Variants in AGL observed in about 807,000 individuals in gnomAD.
AGL encodes the protein glycogen debranching enzyme.
Under a neutral mutation model 199.3 loss-of-function variants are expected in AGL, and 128 were observed. The ratio of observed to expected loss-of-function variants is 0.64; its 90% CI spans 0.56 to 0.74. The LOEUF (loss-of-function observed/expected upper bound fraction) is 0.74, where lower values mean the gene tolerates loss of function less well. AGL is among the 30% of genes least tolerant of loss of function. The probability of loss-of-function intolerance (pLI) is 0.00; values close to 1 mark genes in which losing one functional copy is unlikely to be tolerated. For missense variants in AGL, 1,809 were observed against 1,820.8 expected, an observed-to-expected ratio of 0.99 and a Z score of 0.12; for synonymous variants, 584 against 594.7, an observed-to-expected ratio of 0.98 and a Z score of 0.26.
At chr1:99,909,705 C>G (rs1189570477) in intron 27 of AGL, among the ~76,000 whole-genome samples, 1 of 151,724 alleles carries the variant, frequency 6.6e-6, no homozygotes. Flanking sequence ...TTCCTCAAGT[C>G]TTGAGGTTCC....
chr1:99,880,679 C>T lies in AGL; in HGVS notation c.1783C>T (p.Arg595Ter), dbSNP rs765367405. ...NSHEEGRLVY[R>*]YGGEPVGSFV... Reference sequence around the variant, plus strand: ...TCATGAAGAGGGCAGATTAGTTTACCGATATGGAGGAGAACCTGTTGGATC... The same window carrying T: ...TCATGAAGAGGGCAGATTAGTTTACTGATATGGAGGAGAACCTGTTGGATC... Residue 595 changes from arginine to a stop codon, truncating the protein, a stop_gained, in exon 14 of 34, where the codon CGA becomes TGA. Transcript: ENST00000361915. LOFTEE classifies it high-confidence loss of function. The T allele has an allele frequency of 9.3e-6, 15 of 1,613,788 alleles. No homozygotes were observed. Among genetic ancestry groups the T allele is most frequent in the Non-Finnish European group, 1.3e-5 (15 of 1,179,908 alleles).
Position 99,884,209 on chromosome 1 carries a change from C to T in AGL, c.2398C>T (p.Pro800Ser). ...GGATGAGAATTCAATCAATGGAACACCAGATATCACAGTAGAAATTAGAGA... is the reference window on the plus strand; with the variant it reads ...GGATGAGAATTCAATCAATGGAACATCAGATATCACAGTAGAAATTAGAGA... ...RKDENSINGT[P>S]DITVEIREHI... Residue 800 changes from proline (P) to serine (S), a missense_variant, in exon 18 of 34, where the codon CCA (proline) becomes TCA (serine). Transcript: ENST00000361915. 6.2e-7 allele frequency: 1 copy of T among 1,613,082 alleles called. No individual in the cohort carries two copies. The highest frequency in any genetic ancestry group is 1.7e-5 in the Admixed American group (1 of 59,960).
chr1:99,875,572 G>GA (rs1278900576), intron 10 of AGL, 117 bp downstream of exon 10: 4 of 912,444 alleles, frequency 4.4e-6, no homozygotes, highest in Admixed American at 2.1e-5. Flanking sequence ...TTCTTAAATT[G>GA]AAATAGAAGT....
rs1651536973 is a variant in AGL at position 99,876,456 on chromosome 1, A to G, written c.1284-2A>G. 2 of 1,571,554 alleles carry G rather than the reference A, an allele frequency of 1.3e-6. No homozygotes were observed. The highest frequency in any genetic ancestry group is 1.1e-5 in the South Asian group (1 of 88,688). On this transcript the variant is annotated splice_acceptor_variant, in intron 10 of 33. Coordinates refer to ENST00000361915, the MANE Select transcript of AGL (RefSeq NM_000642.3). LOFTEE classifies it high-confidence loss of function. ...ATTTAATATTTAATTATATTTTCATAGGTATTTTACTTTCCCATTTGAAGA... is the reference window on the plus strand; with the variant it reads ...ATTTAATATTTAATTATATTTTCATGGGTATTTTACTTTCCCATTTGAAGA...
At chr1:99,915,620 A>G (rs1655061802) in intron 31 of AGL, 134 bp downstream of exon 31, 5 of 735,366 alleles carry the variant, frequency 6.8e-6, no homozygotes, top group South Asian at 1.7e-5. Flanking sequence ...TTAAAAAAAA[A>G]ATTAGTTGGG....
At chr1:99,912,322 A>G in intron 28 of AGL, 83 bp from the exon 29 acceptor site, 1 of 980,708 alleles carries the variant, frequency 1.0e-6, no homozygotes, top group Non-Finnish European at 1.6e-6. Flanking sequence ...TATATGATTC[A>G]TTACAATTGT....
At chr1:99,910,897 CACTT>C (rs1258739920) in intron 28 of AGL, 50 bp downstream of exon 28, 2 of 1,576,610 alleles carry the variant, frequency 1.3e-6, no homozygotes, top group Non-Finnish European at 1.7e-6. Context: ...TTTAAGAAAG[CACTT>C]ACTTGTGGAA....
intron 2 of AGL, among the ~76,000 whole-genome samples, chr1:99,854,622 G>T (rs940776679): frequency 5.9e-5 from 9 of 151,922 alleles, no homozygotes; most frequent in Admixed American, 5.2e-4. Context: ...AAATTAGCCG[G>T]GCCTGGTGGC....
At chr1:99,850,125 C>G (rs1227119858), upstream of AGL, 1 of 152,330 alleles carries the variant, frequency 6.6e-6, no homozygotes. Context: ...CCACCTGGGG[C>G]GAGTGCGCGC....
chr1:99,887,772 A>G (rs1465855152), intron 20 of AGL, among the ~76,000 whole-genome samples: 1 of 152,154 alleles, frequency 6.6e-6, no homozygotes, highest in Non-Finnish European at 1.5e-5. Context: ...TTTGGGAGTA[A>G]TGTCGCTTCT....
In AGL at chr1:99,900,801, G is replaced by T. The variant is rs1171460627; in HGVS notation, c.3528G>T (p.Lys1176Asn). 1.3e-5 allele frequency: 21 copies of T among 1,613,654 alleles called. No homozygotes were observed. The highest frequency in any genetic ancestry group is 1.7e-5 in the Non-Finnish European group (20 of 1,179,948). The change falls in exon 26 of 34, where the codon AAG (lysine) becomes AAT (asparagine). Residue 1176 changes from lysine (K) to asparagine (N), a missense_variant. Transcript: ENST00000361915. ...KMVPNGLDIL[K>N]CPVSRMYPTD... ...TTCCAAATGGTCTAGACATTCTCAAGTGCCCAGTTTCCAGAATGTATCCTA... is the reference window on the plus strand; with the variant it reads ...TTCCAAATGGTCTAGACATTCTCAATTGCCCAGTTTCCAGAATGTATCCTA...
intron 2 of AGL, among the ~76,000 whole-genome samples, chr1:99,854,683 G>C (rs1244217022): frequency 6.6e-6 from 1 of 151,342 alleles, no homozygotes. Flanking sequence ...AGAAAGGCGT[G>C]AACCCAGGAG....
rs776977863 is a variant in AGL, at chr1:99,900,717, C to G, written c.3444C>G (p.Tyr1148Ter). ...TGGGTGAAGGAATTTATGCCAGATA[C>G]AATTGTCGGGATGCTGTGTGGTGGT... is the stretch of plus-strand genomic sequence containing the variant. ...NLLGEGIYAR[Y>*]NCRDAVWWWL... Residue 1148 changes from tyrosine to a stop codon, truncating the protein, a stop_gained, in exon 26 of 34, where the codon TAC becomes TAG. Transcript: ENST00000361915. LOFTEE classifies it high-confidence loss of function. 4 of 1,613,998 alleles carry G rather than the reference C, an allele frequency of 2.5e-6. No individual in the cohort carries two copies. The highest frequency in any genetic ancestry group is 1.1e-5 in the South Asian group (1 of 91,084).
In AGL at chr1:99,888,013, A is replaced by AT; in HGVS notation, c.2717_2718insT (p.Gln906HisfsTer7). On this transcript the variant is annotated frameshift_variant, in exon 21 of 34. Coordinates refer to ENST00000361915, the MANE Select transcript of AGL (RefSeq NM_000642.3). LOFTEE classifies it high-confidence loss of function. ...AGATTAACTTTGGCTGAGCTAAATC[A>AT]GATCCTTTACCGATGTGAATCAGAA... 1 of 1,613,568 alleles carries AT rather than the reference A, an allele frequency of 6.2e-7. No individual in the cohort carries two copies. The highest frequency in any genetic ancestry group is 1.7e-5 in the Admixed American group (1 of 59,964).
Position 99,864,428 on chromosome 1 carries a change from T to A in AGL, c.503T>A (p.Leu168Gln). The change falls in exon 5 of 34, where the codon CTA (leucine) becomes CAA (glutamine). Residue 168 changes from leucine (L) to glutamine (Q), a missense_variant. Leu to Gln is a moderately radical substitution (Grantham distance 113). Transcript: ENST00000361915. ...TTTACCCCATTGCAGACTCTTGGAC[T>A]ATCTAGGTCATGCTACTCCCTTGCC... is the stretch of plus-strand genomic sequence containing the variant. ...IHFTPLQTLG[L>Q]SRSCYSLANQ... 1 of 1,613,998 alleles carries A rather than the reference T, an allele frequency of 6.2e-7. No homozygotes were observed. The highest frequency in any genetic ancestry group is 8.5e-7 in the Non-Finnish European group (1 of 1,179,918).
Position 99,852,351 on chromosome 1 carries a change from CTTT to C in AGL, c.82+1246_82+1248del, listed in dbSNP as rs11363065. Among the ~76,000 whole-genome samples, 268 of 97,528 alleles carry C rather than the reference CTTT, an allele frequency of 2.7e-3. 1 individual carries two copies. The highest frequency in any genetic ancestry group is 4.0e-3 in the Non-Finnish European group (209 of 52,616). The allele number at this position is 97,528 out of a possible 152,430, so 64.0% of individuals were successfully genotyped here. The stretch of plus-strand genomic sequence containing the variant: ...TTACATTAATTCTGAGCATTCATTT[CTTT>C]TTTTTTTTTTTTTTTTTTCCTTTTC... On this transcript the variant is annotated intron_variant, in intron 2 of 33. Coordinates refer to ENST00000361915, the MANE Select transcript of AGL (RefSeq NM_000642.3).
chr1:99,912,881 C>A (rs961825242), intron 29 of AGL, among the ~76,000 whole-genome samples: 13 of 151,932 alleles, frequency 8.6e-5, no homozygotes, highest in African/African-American at 3.1e-4. Flanking sequence ...TTTATAGTAC[C>A]CACATTTTAA....
At position 99,912,381 on chromosome 1, in the gene AGL, T is replaced by TA. The variant is rs757012365; in HGVS notation, c.3837-19dup. 5 of 1,596,876 alleles carry TA rather than the reference T, an allele frequency of 3.1e-6. No individual in the cohort carries two copies. The African/African-American group carries it at 5.4e-5, about 17-fold the overall frequency. On this transcript the variant is annotated intron_variant, in intron 28 of 33. Coordinates refer to ENST00000361915, the MANE Select transcript of AGL (RefSeq NM_000642.3). ...ACTTAAAGGACGCCAACTTAAAGAATAAAAATACGTTTTTTAATTTTAGAG... is the reference window on the plus strand; with the variant it reads ...ACTTAAAGGACGCCAACTTAAAGAATAAAAAATACGTTTTTTAATTTTAGAG...
rs1557759591 is a variant in AGL at position 99,876,497 on chromosome 1, G to A, written c.1323G>A (p.Met441Ile). The change falls in exon 11 of 34, where the codon ATG becomes ATA. Residue 441 changes from methionine to isoleucine, a missense_variant. By Grantham distance (10) the Met-to-Ile change is conservative (BLOSUM62 1). Coordinates refer to ENST00000361915, the MANE Select transcript of AGL (RefSeq NM_000642.3). The part of the protein sequence containing the change: ...TFPFEEIDFS[M>I]EESMIHLPNK... The stretch of plus-strand genomic sequence containing the variant: ...CATTTGAAGAGATAGACTTCTCCAT[G>A]GAAGAATCTATGATTCATCTGCCAA... 1.2e-6 allele frequency: 2 copies of A among 1,609,764 alleles called. No individual in the cohort carries two copies. Among genetic ancestry groups the A allele is most frequent in the Middle Eastern group, 3.3e-4 (2 of 6,050 alleles).
Sources: allele counts gnomAD v4.1 joint callset (sites outside exome capture counted in the v4.1 genomes callset), GRCh38; gene constraint gnomAD v4.1.1; transcripts MANE v1.5; gene names NCBI Gene and HGNC (gene_info 2026-07-23, HGNC 2026-07-21).